The following GPC6 variants were observed in gnomAD, a reference collection of about 807,000 sequenced individuals.
The protein encoded by GPC6 is glypican-6.
In GPC6, 14 loss-of-function variants were observed where a neutral mutation model predicts 55.2. That is an observed-to-expected ratio of 0.25 (90% CI 0.17 to 0.40). GPC6 has a LOEUF of 0.40. Ranked by LOEUF, GPC6 falls within the 10% of genes least tolerant of loss-of-function variation. GPC6 has a pLI of 1.00. For synonymous variants in GPC6, 278 were observed against 259.6 expected (o/e 1.07, Z -0.68); for missense variants, 641 against 708.5 (o/e 0.90, Z 1.08).
Position 94,252,412 on chromosome 13 carries a change from C to T in GPC6, c.878-33937C>T, listed in dbSNP as rs114402264. Among the ~76,000 whole-genome samples the T allele has an allele frequency of 1.5e-3, 233 of 152,234 alleles. 2 individuals are homozygous for T. The highest frequency in any genetic ancestry group is 5.4e-3 in the African/African-American group (223 of 41,550). ...TGTCTGTTTTTGTTAGGCTGGCTCT[C>T]ATATTTATTTTGTCATGATTACGCA... On this transcript the variant is annotated intron_variant, in intron 4 of 8. Coordinates refer to ENST00000377047, the MANE Select transcript of GPC6 (RefSeq NM_005708.5).
intron 1 of GPC6, among the ~76,000 whole-genome samples, chr13:93,541,845 A>G (rs1882318876): frequency 6.6e-6 from 1 of 150,936 alleles, no homozygotes; most frequent in African/African-American, 2.4e-5. Context: ...GTGTCTGTTC[A>G]TGTCCTTTGC....
At chr13:94,375,496 AG>A (rs1455218243) in intron 6 of GPC6, among the ~76,000 whole-genome samples, 2 of 152,182 alleles carry the variant, frequency 1.3e-5, no homozygotes, top group Non-Finnish European at 2.9e-5. Flanking sequence ...AGACTAAACC[AG>A]GAAGAAATTG....
chr13:93,356,277 T>A (rs548048660), intron 1 of GPC6, among the ~76,000 whole-genome samples: 3 of 152,254 alleles, frequency 2.0e-5, no homozygotes, highest in African/African-American at 7.2e-5. Flanking sequence ...AGCAATACAT[T>A]CTGAGATACG....
intron 4 of GPC6, among the ~76,000 whole-genome samples, chr13:94,164,864 C>T (rs1212213157): frequency 6.6e-6 from 1 of 152,014 alleles, no homozygotes; most frequent in African/African-American, 2.4e-5. Context: ...AATTTAGTAG[C>T]ATTTAATAAT....
chr13:93,689,916 C>G (rs1364502847), intron 2 of GPC6, among the ~76,000 whole-genome samples: 1 of 152,022 alleles, frequency 6.6e-6, no homozygotes, highest in Non-Finnish European at 1.5e-5. Flanking sequence ...CCTAAGCAGG[C>G]CTTATATATA....
At chr13:93,355,027 C>T (rs768395173) in intron 1 of GPC6, among the ~76,000 whole-genome samples, 3 of 152,142 alleles carry the variant, frequency 2.0e-5, no homozygotes, top group Admixed American at 6.5e-5. Flanking sequence ...GTTGCAGAAG[C>T]TATAAGGAGT....
At chr13:94,086,838 T>C (rs1885300220) in intron 4 of GPC6, among the ~76,000 whole-genome samples, 1 of 152,196 alleles carries the variant, frequency 6.6e-6, no homozygotes, top group Non-Finnish European at 1.5e-5. Context: ...GGAACTATTT[T>C]TAATAAAACA....
intron 4 of GPC6, among the ~76,000 whole-genome samples, chr13:94,173,744 A>G (rs1888652384): frequency 6.6e-6 from 1 of 152,170 alleles, no homozygotes. Context: ...ATTTAAAAGC[A>G]TGTTTTGATT....
intron 1 of GPC6, among the ~76,000 whole-genome samples, chr13:93,403,662 C>T (rs1876177458): frequency 1.3e-5 from 2 of 152,254 alleles, no homozygotes; most frequent in Admixed American, 6.5e-5. Flanking sequence ...CTCTGCTGAC[C>T]ACTTTCTGGT....
chr13:94,174,940 A>G (rs1254445788), intron 4 of GPC6, among the ~76,000 whole-genome samples: 1 of 152,126 alleles, frequency 6.6e-6, no homozygotes. Flanking sequence ...AGGTTCCTGT[A>G]GCTATCTCTG....
chr13:93,359,839 AT>A lies in GPC6; in HGVS notation c.160+132231del, dbSNP rs570899633. On this transcript the variant is annotated intron_variant, in intron 1 of 8. Transcript: ENST00000377047. ...GTCATTCTGTTCATATAATCTGAAC[AT>A]TTTTTTTAATCTCCATGCATTACTA... 7.4e-3 allele frequency among the ~76,000 whole-genome samples: 1,130 copies of A among 152,130 alleles called. 16 individuals carry two copies. The highest frequency in any genetic ancestry group is 0.025 in the African/African-American group (1,049 of 41,510).
intron 2 of GPC6, among the ~76,000 whole-genome samples, chr13:93,778,268 T>C (rs1454423915): frequency 6.6e-6 from 1 of 152,300 alleles, no homozygotes; most frequent in African/African-American, 2.4e-5. Context: ...TTTTTTTCTC[T>C]TCCTAATATC....
chr13:93,330,764 T>C (rs1384084696), intron 1 of GPC6, among the ~76,000 whole-genome samples: 2 of 152,216 alleles, frequency 1.3e-5, no homozygotes, highest in East Asian at 3.8e-4. Flanking sequence ...TCTTGCATCT[T>C]TCATTCTTCC....
At chr13:94,013,209 T>C (rs75957325) in intron 3 of GPC6, among the ~76,000 whole-genome samples, 1,464 of 107,768 alleles carry the variant, frequency 0.014, 41 homozygotes, top group South Asian at 0.091. Context: ...TGTGTGTGCA[T>C]GTGTGTATGT....
intron 3 of GPC6, among the ~76,000 whole-genome samples, chr13:93,962,547 A>G (rs1338966025): frequency 6.6e-6 from 1 of 152,178 alleles, no homozygotes; most frequent in African/African-American, 2.4e-5. Flanking sequence ...ACAGAAACGA[A>G]TAAGTGCATG....
intron 4 of GPC6, among the ~76,000 whole-genome samples, chr13:94,072,745 T>G (rs1884781136): frequency 6.6e-6 from 1 of 152,188 alleles, no homozygotes; most frequent in African/African-American, 2.4e-5. Context: ...CTCAAGATAT[T>G]TGTGGTCTGC....
At chr13:93,244,008 G>A (rs1876521486) in intron 1 of GPC6, among the ~76,000 whole-genome samples, 1 of 152,080 alleles carries the variant, frequency 6.6e-6, no homozygotes, top group African/African-American at 2.4e-5. Context: ...CAAGGTGGGT[G>A]GAGGGGAAAA....
chr13:93,589,697 A>T (rs1231732636), intron 2 of GPC6, among the ~76,000 whole-genome samples: 1 of 152,240 alleles, frequency 6.6e-6, no homozygotes, highest in African/African-American at 2.4e-5. Flanking sequence ...ATATGAAATG[A>T]GGCCATTTGA....
At chr13:94,083,402 G>C (rs1166241048) in intron 4 of GPC6, among the ~76,000 whole-genome samples, 1 of 152,220 alleles carries the variant, frequency 6.6e-6, no homozygotes, top group Non-Finnish European at 1.5e-5. Context: ...ACAGGCATGA[G>C]CCACTGCACC....
Sources: gnomAD v4.1 joint callset for allele counts (sites outside exome capture counted in the v4.1 genomes callset) on GRCh38, gnomAD v4.1.1 for gene constraint, MANE v1.5 for transcripts, NCBI Gene and HGNC (gene_info 2026-07-23, HGNC 2026-07-21) for gene names.